The following POU2F1 variants were observed in gnomAD, a reference collection of about 807,000 sequenced individuals.
The protein encoded by POU2F1 is POU domain, class 2, transcription factor 1.
Under a neutral mutation model 84.9 loss-of-function variants are expected in POU2F1, and 16 were observed. The ratio of observed to expected loss-of-function variants is 0.19; its 90% CI spans 0.13 to 0.29. POU2F1 has a LOEUF of 0.29. Among genes scored for constraint, POU2F1 ranks in the 10% least tolerant of loss-of-function variants. The pLI is 1.00. For synonymous variants in POU2F1, 368 were observed against 368.3 expected, an observed-to-expected ratio of 1.00 and a Z score of 0.01; for missense variants, 738 against 942.6, an observed-to-expected ratio of 0.78 and a Z score of 2.84.
At chr1:167,411,077 G>A (rs1331177513) in intron 13 of POU2F1, among the ~76,000 whole-genome samples, 1 of 144,746 alleles carries the variant, frequency 6.9e-6, no homozygotes, top group Non-Finnish European at 1.5e-5. Flanking sequence ...GTCTTGCTCT[G>A]TCGCCAGGCT....
At chr1:167,300,211 T>TGG (rs1327031306) in intron 1 of POU2F1, among the ~76,000 whole-genome samples, 1 of 152,068 alleles carries the variant, frequency 6.6e-6, no homozygotes. Flanking sequence ...GAGCTAAACA[T>TGG]GGGGTAGGTA....
At chr1:167,332,348 G>A (rs1376405706) in intron 1 of POU2F1, 122 bp from the exon 2 acceptor site, 24 of 631,498 alleles carry the variant, frequency 3.8e-5, no homozygotes, top group Non-Finnish European at 6.4e-5. Context: ...TATACACTGG[G>A]TCTTCTTAAA....
At chr1:167,334,408 A>G (rs1317941768) in intron 2 of POU2F1, among the ~76,000 whole-genome samples, 1 of 151,920 alleles carries the variant, frequency 6.6e-6, no homozygotes, top group Non-Finnish European at 1.5e-5. Context: ...CCTGATTTCG[A>G]GTTAAGTTAT....
In POU2F1 at chr1:167,420,031, C is replaced by A. The variant is rs754345802; in HGVS notation, c.*4221C>A. On this transcript the variant is annotated 3_prime_UTR_variant, in exon 16 of 16. Coordinates refer to ENST00000367866, the MANE Select transcript of POU2F1 (RefSeq NM_002697.4). ...CATTTATTTGGAAAGATAAGGGAAA[C>A]CTTGTCTGTATTATCCAGAAGCACA... 5 of 152,080 alleles carry A rather than the reference C, an allele frequency of 3.3e-5. No homozygotes were observed. Among genetic ancestry groups the A allele is most frequent in the Non-Finnish European group, 5.9e-5 (4 of 68,030 alleles). 9.4% of individuals were successfully genotyped at this position (152,080 alleles called of 1,614,324 possible).
chr1:167,412,076 C>T lies in POU2F1; in HGVS notation c.1673C>T (p.Ser558Phe), dbSNP rs1313367658. 6.2e-7 allele frequency: 1 copy of T among 1,614,132 alleles called. No homozygotes were observed. Among genetic ancestry groups the T allele is most frequent in the Non-Finnish European group, 8.5e-7 (1 of 1,180,052 alleles). ...TCCCCTTCTGCCTCAGCCTCCACCT[C>T]CGAGGCATCCAGTGCCAGTGAGACC... Reference protein sequence around the residue: ...SPSPSASASTSEASSASETST... With the variant: ...SPSPSASASTFEASSASETST... Residue 558 changes from serine (S) to phenylalanine (F), a missense_variant, in exon 14 of 16, where the codon TCC becomes TTC. Ser to Phe is a radical substitution (Grantham distance 155). Coordinates refer to ENST00000367866, the MANE Select transcript of POU2F1 (RefSeq NM_002697.4).
Position 167,271,490 on chromosome 1 carries a change from A to G in POU2F1, c.61+50532A>G, listed in dbSNP as rs78572756. ...TAAGATTGGTCAGACTTCTATATTT[A>G]TTCAAAGATTGAGCATGAAAAGATT... On this transcript the variant is annotated intron_variant, in intron 1 of 15. Coordinates refer to ENST00000367866, the MANE Select transcript of POU2F1 (RefSeq NM_002697.4). Among the ~76,000 whole-genome samples the G allele has an allele frequency of 8.9e-3, 1,351 of 152,354 alleles. 19 individuals are homozygous for G. Among genetic ancestry groups the G allele is most frequent in the African/African-American group, 0.031 (1,269 of 41,576 alleles).
chr1:167,237,797 T>G (rs1649612729), intron 1 of POU2F1, among the ~76,000 whole-genome samples: 1 of 138,478 alleles, frequency 7.2e-6, no homozygotes, highest in Non-Finnish European at 1.5e-5. Context: ...TTTTTTTTTT[T>G]TTGGCAGAGT....
At chr1:167,247,142 C>T (rs1650389756) in intron 1 of POU2F1, among the ~76,000 whole-genome samples, 1 of 151,452 alleles carries the variant, frequency 6.6e-6, no homozygotes, top group African/African-American at 2.4e-5. Context: ...GAGGTGAGAT[C>T]AGGGCTCACT....
chr1:167,392,827 C>T (rs560582097), intron 9 of POU2F1, among the ~76,000 whole-genome samples: 5 of 152,202 alleles, frequency 3.3e-5, no homozygotes, highest in Non-Finnish European at 7.3e-5. Flanking sequence ...CTATCAACCT[C>T]TGTTTTTAAG....
intron 9 of POU2F1, among the ~76,000 whole-genome samples, chr1:167,391,314 G>A (rs1421449209): frequency 6.6e-6 from 1 of 151,806 alleles, no homozygotes; most frequent in Non-Finnish European, 1.5e-5. Context: ...AGATCATTAG[G>A]TAAAAAAAAA....
intron 1 of POU2F1, among the ~76,000 whole-genome samples, chr1:167,319,979 G>C (rs979863851): frequency 6.6e-6 from 1 of 152,170 alleles, no homozygotes; most frequent in Non-Finnish European, 1.5e-5. Flanking sequence ...AAAGTGTCTG[G>C]CATTAGATAT....
At position 167,253,387 on chromosome 1, in the gene POU2F1, C is replaced by CCT. The variant is rs1553198382; in HGVS notation, c.61+32430_61+32431insTC. ...TTCTTTATTTTTCTGCCCCCCCCCC[C>CCT]CCAAACACACAGGAGAGTGGAACTT... On this transcript the variant is annotated intron_variant, in intron 1 of 15. Transcript: ENST00000367866. Among the ~76,000 whole-genome samples the CCT allele has an allele frequency of 1.8e-3, 230 of 124,362 alleles. 9 individuals are homozygous for CCT. Among genetic ancestry groups the CCT allele is most frequent in the African/African-American group, 6.4e-3 (212 of 32,958 alleles). The allele number at this position is 124,362 out of a possible 152,430, so 81.6% of individuals were successfully genotyped here. A position where few individuals can be genotyped will look rare whatever the true frequency, so the allele number is the denominator to read the frequency against.
chr1:167,327,839 G>A (rs932551152), intron 1 of POU2F1, among the ~76,000 whole-genome samples: 3 of 152,144 alleles, frequency 2.0e-5, no homozygotes. Flanking sequence ...CGAATTACTA[G>A]TGTGACATTG....
At chr1:167,375,602 C>T (rs974727158) in intron 6 of POU2F1, among the ~76,000 whole-genome samples, 73 of 152,216 alleles carry the variant, frequency 4.8e-4, no homozygotes, top group African/African-American at 1.6e-3. Flanking sequence ...TGTCAAATGT[C>T]ATAAGTCATT....
At chr1:167,404,531 C>T (rs935251962) in intron 13 of POU2F1, among the ~76,000 whole-genome samples, 1 of 152,220 alleles carries the variant, frequency 6.6e-6, no homozygotes, top group Non-Finnish European at 1.5e-5. Context: ...CAAGTACCTA[C>T]ACTAGAATCC....
chr1:167,386,394 T>C (rs1234715508), intron 8 of POU2F1, among the ~76,000 whole-genome samples: 1 of 152,166 alleles, frequency 6.6e-6, no homozygotes, highest in Non-Finnish European at 1.5e-5. Flanking sequence ...CCATGTTGCC[T>C]AGGCTGGTCT....
At chr1:167,378,293 TGGCACGATCTC>T (rs1472441501) in intron 7 of POU2F1, among the ~76,000 whole-genome samples, 1 of 151,176 alleles carries the variant, frequency 6.6e-6, no homozygotes, top group Non-Finnish European at 1.5e-5. Context: ...TGGAGTGCAA[TGGCACGATCTC>T]GGCCCACCGC....
chr1:167,327,671 G>A (rs981303058), intron 1 of POU2F1, among the ~76,000 whole-genome samples: 3 of 152,090 alleles, frequency 2.0e-5, no homozygotes, highest in Admixed American at 6.5e-5. Context: ...CTTTGCTGCC[G>A]TTTACTGGTT....
chr1:167,262,866 G>A (rs1187661398), intron 1 of POU2F1, among the ~76,000 whole-genome samples: 1 of 152,176 alleles, frequency 6.6e-6, no homozygotes, highest in Non-Finnish European at 1.5e-5. Flanking sequence ...GCCATGTTTG[G>A]AGCAAAAGTA....
Sources: gnomAD v4.1 joint callset for allele counts (sites outside exome capture counted in the v4.1 genomes callset) on GRCh38, gnomAD v4.1.1 for gene constraint, MANE v1.5 for transcripts, NCBI Gene and HGNC (gene_info 2026-07-23, HGNC 2026-07-21) for gene names.